The following CAMK2B variants were observed in gnomAD, a reference collection of about 807,000 sequenced individuals.
The protein encoded by CAMK2B is calcium/calmodulin dependent protein kinase II beta.
CAMK2B carries 27 observed loss-of-function variants against 93.7 expected under a neutral mutation model. That is an observed-to-expected ratio of 0.29 (90% CI 0.21 to 0.40). The LOEUF (loss-of-function observed/expected upper bound fraction) is 0.40. Ranked by LOEUF, CAMK2B falls within the 10% of genes least tolerant of loss-of-function variation. The pLI, the probability that CAMK2B is intolerant of heterozygous loss-of-function variation, is 1.00. For missense variants in CAMK2B, 568 were observed against 895.8 expected, an observed-to-expected ratio of 0.63 and a Z score of 4.67; for synonymous variants, 374 against 358.8, an observed-to-expected ratio of 1.04 and a Z score of -0.48.
At position 44,226,518 on chromosome 7, in the gene CAMK2B, G is replaced by A. The variant is rs1312414736; in HGVS notation, c.1595C>T (p.Pro532Leu). The A allele has an allele frequency of 1.4e-6, 2 of 1,439,198 alleles. No individual in the cohort carries two copies. Among genetic ancestry groups the A allele is most frequent in the African/African-American group, 3.0e-5 (2 of 67,204 alleles). The allele number at this position is 1,439,198 out of a possible 1,614,324, so 89.2% of individuals were successfully genotyped here. The change falls in exon 20 of 24, where the codon CCA becomes CTA. Residue 532 changes from proline (P) to leucine (L), a missense_variant and splice_region_variant. Transcript: ENST00000395749. ...SPTIPGPLPT[P>L]SRKQEIIKTT... is the part of the protein sequence containing the mutation. ...CGGCCACTCAAGGTGCTACTTACATGGGGTGGGCAGGGGGCCAGGGATAGT... is the reference window on the plus strand; with the variant it reads ...CGGCCACTCAAGGTGCTACTTACATAGGGTGGGCAGGGGGCCAGGGATAGT...
At chr7:44,295,392 T>TA (rs1788023925) in intron 1 of CAMK2B, among the ~76,000 whole-genome samples, 1 of 152,224 alleles carries the variant, frequency 6.6e-6, no homozygotes, top group Non-Finnish European at 1.5e-5. Flanking sequence ...AATTGGCAGA[T>TA]AGAGAGAATT....
intron 9 of CAMK2B, 45 bp from the exon 10 acceptor site, chr7:44,242,385 C>G (rs1368620922): frequency 6.3e-7 from 1 of 1,594,700 alleles, no homozygotes; most frequent in Non-Finnish European, 8.6e-7. Flanking sequence ...AGCTCCCTCT[C>G]AGGCAGGGGC....
At position 44,311,893 on chromosome 7, in the gene CAMK2B, C is replaced by T. The variant is rs111839920; in HGVS notation, c.65+13464G>A. Among the ~76,000 whole-genome samples the T allele has an allele frequency of 1.2e-4, 19 of 152,352 alleles. No homozygotes were observed. The East Asian group carries it at 1.9e-3, about 15-fold the overall frequency. On this transcript the variant is annotated intron_variant, in intron 1 of 23. Coordinates refer to ENST00000395749, the MANE Select transcript of CAMK2B (RefSeq NM_001220.5). This position sits in a 1 kb window ranked among gnomAD's most constrained non-coding sequence, Gnocchi z 4.2. ...CTGCACCGTGGACTGACCCTCACGA[C>T]GCTCCAAGAGGTGACCCTTCTCCTG...
At chr7:44,245,406 C>T (rs1314256098) in intron 6 of CAMK2B, among the ~76,000 whole-genome samples, 2 of 152,248 alleles carry the variant, frequency 1.3e-5, no homozygotes, top group Non-Finnish European at 2.9e-5. Flanking sequence ...GACATCCTGT[C>T]CCCCTCAACA....
intron 20 of CAMK2B, among the ~76,000 whole-genome samples, chr7:44,223,796 T>C (rs2096441879): frequency 6.6e-6 from 1 of 151,944 alleles, no homozygotes; most frequent in Non-Finnish European, 1.5e-5. Flanking sequence ...CTGCCCTCCT[T>C]GCATCAAGAG....
upstream of CAMK2B, chr7:44,325,730 C>T (rs943613728): frequency 6.9e-6 from 1 of 145,294 alleles, no homozygotes; most frequent in Non-Finnish European, 1.5e-5. Context: ...CCTGCACACG[C>T]TGCTCCTGCA....
At chr7:44,304,049 C>A (rs1790797460) in intron 1 of CAMK2B, among the ~76,000 whole-genome samples, 1 of 152,198 alleles carries the variant, frequency 6.6e-6, no homozygotes, top group Admixed American at 6.5e-5. Flanking sequence ...AGAGCTATCA[C>A]TATACACCTA....
intron 1 of CAMK2B, among the ~76,000 whole-genome samples, chr7:44,307,031 C>CA (rs1791933682): frequency 1.1e-5 from 1 of 93,086 alleles, no homozygotes; most frequent in East Asian, 3.4e-4. Context: ...AGGGTGTGAG[C>CA]AGGGAGAGGA....
rs545652210 is a variant in CAMK2B, at chr7:44,272,663, C to T, written c.161-9599G>A. ...TGAACATGCATGACGGAGCTGGAGC[C>T]GAGGGCCTCGTCACTATTTGCCAGC... is the stretch of plus-strand genomic sequence containing the variant. On this transcript the variant is annotated intron_variant, in intron 2 of 23. Transcript: ENST00000395749. 2.6e-5 allele frequency among the ~76,000 whole-genome samples: 4 copies of T among 152,298 alleles called. No individual in the cohort carries two copies. In the South Asian group the frequency reaches 8.3e-4, roughly 32 times the overall value.
intron 11 of CAMK2B, among the ~76,000 whole-genome samples, chr7:44,241,290 C>G (rs1475902440): frequency 6.6e-6 from 1 of 152,230 alleles, no homozygotes; most frequent in Admixed American, 6.5e-5. Context: ...CAGAACTCCC[C>G]CAGCCCACCC....
intron 16 of CAMK2B, among the ~76,000 whole-genome samples, chr7:44,232,360 A>C (rs2096587494): frequency 6.6e-6 from 1 of 152,140 alleles, no homozygotes; most frequent in South Asian, 2.1e-4. Flanking sequence ...CCCCAGAGTG[A>C]TGATGCCAAT....
intron 2 of CAMK2B, among the ~76,000 whole-genome samples, chr7:44,272,695 G>A (rs560682379): frequency 1.3e-5 from 2 of 152,334 alleles, no homozygotes; most frequent in South Asian, 2.1e-4. Flanking sequence ...CAGCCATATG[G>A]GGATGAACAT....
chr7:44,304,656 G>A (rs1032030406), intron 1 of CAMK2B, among the ~76,000 whole-genome samples: 1 of 152,212 alleles, frequency 6.6e-6, no homozygotes, highest in African/African-American at 2.4e-5. Flanking sequence ...ACTACTCTGT[G>A]TGACACTGTA....
Position 44,256,855 on chromosome 7 carries a change from G to T in CAMK2B, c.275+2017C>A, listed in dbSNP as rs115612444. ...ACTCCCTGGCCAGGGCCATCTAGTG[G>T]TTCAGTTTCAGGGAAGGGAGTTTGC... is the stretch of plus-strand genomic sequence containing the variant. On this transcript the variant is annotated intron_variant, in intron 4 of 23. Coordinates refer to ENST00000395749, the MANE Select transcript of CAMK2B (RefSeq NM_001220.5). Among the ~76,000 whole-genome samples the T allele has an allele frequency of 5.5e-3, 845 of 152,314 alleles. 7 individuals carry two copies. Among genetic ancestry groups the T allele is most frequent in the African/African-American group, 0.019 (807 of 41,564 alleles).
chr7:44,231,128 A>C, intron 16 of CAMK2B, 74 bp from the exon 17 acceptor site: 27 of 842,526 alleles, frequency 3.2e-5, no homozygotes, highest in Non-Finnish European at 4.3e-5. Context: ...GCAGGTGGAC[A>C]GGGCTGGGCC....
chr7:44,318,982 G>A (rs2116494276), intron 1 of CAMK2B, among the ~76,000 whole-genome samples: 1 of 152,136 alleles, frequency 6.6e-6, no homozygotes, highest in East Asian at 1.9e-4. Context: ...TAACATAAAA[G>A]GATGTTTTCA....
chr7:44,269,198 G>GGGCTGAAAGGGCAA (rs1304160029), intron 2 of CAMK2B, among the ~76,000 whole-genome samples: 27 of 152,328 alleles, frequency 1.8e-4, no homozygotes, highest in Non-Finnish European at 2.6e-4. Context: ...AAAGCTGCCA[G>GGGCTGAAAGGGCAA]GGCTGAAAGG....
rs2096750656 is a variant in CAMK2B at position 44,248,377 on chromosome 7, G to C, written c.342-1185C>G. Among the ~76,000 whole-genome samples, 1 of 152,136 alleles carries C rather than the reference G, an allele frequency of 6.6e-6. No homozygotes were observed. The highest frequency in any genetic ancestry group is 2.4e-5 in the African/African-American group (1 of 41,434). The stretch of plus-strand genomic sequence containing the variant: ...TGCACACACCGAGAGCCCGTGGCTT[G>C]AATCTGCTTCTGCCCAGGTGCCCCT... On this transcript the variant is annotated intron_variant, in intron 5 of 23. Transcript: ENST00000395749. This position sits in a 1 kb window ranked among gnomAD's most constrained non-coding sequence, Gnocchi z 4.1.
At chr7:44,301,858 C>A (rs901988420) in intron 1 of CAMK2B, among the ~76,000 whole-genome samples, 3 of 151,318 alleles carry the variant, frequency 2.0e-5, no homozygotes, top group Admixed American at 6.6e-5. Context: ...AAAAGAAAAG[C>A]AAATTAAATC....
Sources: gnomAD v4.1 joint callset for allele counts (sites outside exome capture counted in the v4.1 genomes callset) on GRCh38, gnomAD v4.1.1 for gene constraint, Gnocchi (gnomAD v3.1) non-coding constraint, MANE v1.5 for transcripts, NCBI Gene and HGNC (gene_info 2026-07-23, HGNC 2026-07-21) for gene names.